The following FARS2 variants were observed in gnomAD, a reference collection of about 807,000 sequenced individuals.
FARS2 encodes the protein phenylalanine--tRNA ligase, mitochondrial.
Under a neutral mutation model 46.4 loss-of-function variants are expected in FARS2, and 40 were observed. The observed-to-expected ratio is 0.86, with a 90% CI of 0.67 to 1.12. The LOEUF (loss-of-function observed/expected upper bound fraction) is 1.12. Ranked by LOEUF, FARS2 falls within the 50% of genes most tolerant of loss-of-function variation. The pLI, the probability that FARS2 is intolerant of heterozygous loss-of-function variation, is 0.00. For synonymous variants in FARS2, 234 were observed against 214.9 expected, an observed-to-expected ratio of 1.09 and a Z score of -0.78; for missense variants, 513 against 567.9, an observed-to-expected ratio of 0.90 and a Z score of 0.98.
At chr6:5,621,754 C>T (rs1219952711) in intron 6 of FARS2, among the ~76,000 whole-genome samples, 1 of 152,214 alleles carries the variant, frequency 6.6e-6, no homozygotes. Flanking sequence ...GATAGACCCA[C>T]TCATGGTGGG....
chr6:5,528,041 G>T (rs1185940167), intron 4 of FARS2, among the ~76,000 whole-genome samples: 7 of 152,180 alleles, frequency 4.6e-5, no homozygotes, highest in Non-Finnish European at 1.0e-4. Flanking sequence ...ATTAATAAAT[G>T]CTAAGCAAGG....
At chr6:5,286,183 C>T (rs552264798) in intron 1 of FARS2, among the ~76,000 whole-genome samples, 8 of 152,116 alleles carry the variant, frequency 5.3e-5, no homozygotes, top group African/African-American at 1.4e-4. Context: ...CAACACTGAC[C>T]CCTTGTTCCT....
At position 5,392,886 on chromosome 6, in the gene FARS2, TACA is replaced by T. The variant is rs1760642818; in HGVS notation, c.613-11655_613-11653del. ...TGTATATATTATATATATGTATATA[TACA>T]TATATGTGTGTATATATTATATATA... On this transcript the variant is annotated intron_variant, in intron 2 of 6. Coordinates refer to ENST00000274680, the MANE Select transcript of FARS2 (RefSeq NM_006567.5). 4.8e-5 allele frequency among the ~76,000 whole-genome samples: 7 copies of T among 146,442 alleles called. No homozygotes were observed. The Admixed American group carries it at 4.8e-4, about 10-fold the overall frequency.
At chr6:5,563,992 A>C (rs569245989) in intron 5 of FARS2, among the ~76,000 whole-genome samples, 1 of 152,322 alleles carries the variant, frequency 6.6e-6, no homozygotes, top group South Asian at 2.1e-4. Context: ...GTTTCATTTA[A>C]AACTGCATTA....
intron 6 of FARS2, among the ~76,000 whole-genome samples, chr6:5,622,665 G>C (rs779773406): frequency 2.0e-5 from 3 of 152,328 alleles, no homozygotes; most frequent in Non-Finnish European, 4.4e-5. Flanking sequence ...GTGAGGATGA[G>C]TAAGAGGAGC....
chr6:5,435,222 C>T (rs1055648436), intron 4 of FARS2, among the ~76,000 whole-genome samples: 1 of 152,146 alleles, frequency 6.6e-6, no homozygotes, highest in Non-Finnish European at 1.5e-5. Context: ...TTCTGCCTAA[C>T]GTAGAATGAA....
chr6:5,616,540 T>A (rs1358705936), intron 6 of FARS2, among the ~76,000 whole-genome samples: 1 of 152,226 alleles, frequency 6.6e-6, no homozygotes, highest in Non-Finnish European at 1.5e-5. Context: ...TGTAATGAGA[T>A]ATCTTGGGGA....
At chr6:5,640,510 T>A (rs916962643) in intron 6 of FARS2, among the ~76,000 whole-genome samples, 1 of 152,186 alleles carries the variant, frequency 6.6e-6, no homozygotes, top group Non-Finnish European at 1.5e-5. Context: ...TTTGCTCACA[T>A]AGTTACTGAG....
intron 6 of FARS2, among the ~76,000 whole-genome samples, chr6:5,640,032 G>T (rs1212458857): frequency 6.6e-6 from 1 of 152,114 alleles, no homozygotes; most frequent in Admixed American, 6.5e-5. Context: ...TTCCGTTATT[G>T]CACTGAGCTT....
chr6:5,296,472 T>C (rs1357994735), intron 1 of FARS2, among the ~76,000 whole-genome samples: 4 of 152,190 alleles, frequency 2.6e-5, no homozygotes, highest in South Asian at 2.1e-4. Flanking sequence ...TACAGTTCGC[T>C]AGCATTAAGT....
chr6:5,700,679 G>C (rs763569963), intron 6 of FARS2, among the ~76,000 whole-genome samples: 1 of 152,130 alleles, frequency 6.6e-6, no homozygotes, highest in African/African-American at 2.4e-5. Flanking sequence ...TACAGGCGTG[G>C]CCACAACTGC....
intron 1 of FARS2, among the ~76,000 whole-genome samples, chr6:5,349,636 G>T (rs939384744): frequency 2.0e-5 from 3 of 152,040 alleles, no homozygotes; most frequent in African/African-American, 7.2e-5. Flanking sequence ...AACCACTATT[G>T]TTACATTATT....
At chr6:5,509,715 G>C (rs1214808734) in intron 4 of FARS2, among the ~76,000 whole-genome samples, 5 of 152,206 alleles carry the variant, frequency 3.3e-5, no homozygotes, top group African/African-American at 1.2e-4. Flanking sequence ...GACTGAGCGT[G>C]GGGACTGTGG....
intron 4 of FARS2, among the ~76,000 whole-genome samples, chr6:5,472,726 G>A (rs1765874193): frequency 6.6e-6 from 1 of 152,126 alleles, no homozygotes; most frequent in Non-Finnish European, 1.5e-5. Flanking sequence ...GAGCTTAGCA[G>A]GCACCAGACA....
chr6:5,295,216 C>G (rs1356719226), intron 1 of FARS2, among the ~76,000 whole-genome samples: 1 of 152,142 alleles, frequency 6.6e-6, no homozygotes, highest in Non-Finnish European at 1.5e-5. Context: ...GTTATATCCT[C>G]ACAATAACCT....
At chr6:5,312,665 G>A (rs941075523) in intron 1 of FARS2, among the ~76,000 whole-genome samples, 5 of 152,178 alleles carry the variant, frequency 3.3e-5, no homozygotes, top group African/African-American at 4.8e-5. Context: ...GTTCCCTAAA[G>A]AAATGCCTCT....
chr6:5,477,207 C>G (rs991941453), intron 4 of FARS2, among the ~76,000 whole-genome samples: 6 of 152,124 alleles, frequency 3.9e-5, no homozygotes, highest in South Asian at 2.1e-4. Context: ...AAGTAAAGAC[C>G]TTGACTGTCC....
chr6:5,736,182 C>T (rs1187627053), intron 6 of FARS2, among the ~76,000 whole-genome samples: 1 of 152,216 alleles, frequency 6.6e-6, no homozygotes, highest in African/African-American at 2.4e-5. Context: ...GGTCAGAGAC[C>T]TCAGCTCCTC....
At chr6:5,529,454 C>T (rs1769683287) in intron 4 of FARS2, among the ~76,000 whole-genome samples, 1 of 152,100 alleles carries the variant, frequency 6.6e-6, no homozygotes, top group Admixed American at 6.5e-5. Flanking sequence ...GCTACAGGCG[C>T]CTGCCACCAC....
Sources: allele counts gnomAD v4.1 joint callset (sites outside exome capture counted in the v4.1 genomes callset), GRCh38; gene constraint gnomAD v4.1.1; transcripts MANE v1.5; gene names NCBI Gene and HGNC (gene_info 2026-07-23, HGNC 2026-07-21).